The following TYSND1 variants were observed in gnomAD, a reference collection of about 807,000 sequenced individuals.
TYSND1 encodes the protein peroxisomal leader peptide-processing protease.
In TYSND1, 30 loss-of-function variants were observed where a neutral mutation model predicts 37.2. That is an observed-to-expected ratio of 0.81 (90% CI 0.60 to 1.09). The LOEUF is 1.09. Ranked by LOEUF, TYSND1 falls within the 50% of genes least tolerant of loss-of-function variation. TYSND1 has a pLI of 0.00. For synonymous variants in TYSND1, 364 were observed against 383.8 expected (o/e 0.95, Z 0.60); for missense variants, 806 against 817.4 (o/e 0.99, Z 0.17).
At position 70,146,650 on chromosome 10, in the gene TYSND1, T is replaced by C. The variant is rs1257465728; in HGVS notation, c.-64A>G. ...CAGCAAGCTAGCGAGCGAGGACCCCTACCCGGTCCGGCTGAAGCTGCCTAG... is the reference window on the plus strand; with the variant it reads ...CAGCAAGCTAGCGAGCGAGGACCCCCACCCGGTCCGGCTGAAGCTGCCTAG... On this transcript the variant is annotated 5_prime_UTR_variant, in exon 1 of 4. Coordinates refer to ENST00000287078, the MANE Select transcript of TYSND1 (RefSeq NM_173555.4). The C allele has an allele frequency of 3.6e-6, 5 of 1,404,544 alleles. No homozygotes were observed. Among genetic ancestry groups the C allele is most frequent in the East Asian group, 2.7e-5 (1 of 36,566 alleles). 87.0% of individuals were successfully genotyped at this position (1,404,544 alleles called of 1,614,324 possible).
chr10:70,146,205 G>A lies in TYSND1; in HGVS notation c.382C>T (p.Pro128Ser), dbSNP rs1438435891. The change falls in exon 1 of 4, where the codon CCC becomes TCC. Residue 128 changes from proline (P) to serine (S), a missense_variant. This residue lies in a region of TYSND1 where 708 missense variants were observed against 705.4 expected (regional missense o/e 1.00). Coordinates refer to ENST00000287078, the MANE Select transcript of TYSND1 (RefSeq NM_173555.4). ...PAPSRGRPLQ[P>S]RLPAELLLLL... ...AGCAGCAGCTCAGCAGGAAGCCGGG[G>A]CTGCAGGGGACGCCCGCGGGACGGG... 2 of 1,524,914 alleles carry A rather than the reference G, an allele frequency of 1.3e-6. No individual in the cohort carries two copies. Among genetic ancestry groups the A allele is most frequent in the Non-Finnish European group, 1.8e-6 (2 of 1,141,000 alleles). The allele number at this position is 1,524,914 out of a possible 1,614,324, so 94.5% of individuals were successfully genotyped here. A position where few individuals can be genotyped will look rare whatever the true frequency, so the allele number is the denominator to read the frequency against.
intron 2 of TYSND1, among the ~76,000 whole-genome samples, 173 bp downstream of exon 2, chr10:70,143,669 A>G (rs1318288694): frequency 6.6e-6 from 1 of 152,194 alleles, no homozygotes; most frequent in Non-Finnish European, 1.5e-5. Flanking sequence ...GTGCAGCATT[A>G]TCCTTCCCAG....
chr10:70,140,346 C>T (rs1238430194), intron 3 of TYSND1, among the ~76,000 whole-genome samples: 1 of 152,228 alleles, frequency 6.6e-6, no homozygotes, highest in African/African-American at 2.4e-5. Context: ...TTAACACTCT[C>T]AAAATCTAAC....
intron 3 of TYSND1, among the ~76,000 whole-genome samples, chr10:70,142,194 C>T (rs1314164448): frequency 6.6e-6 from 1 of 152,154 alleles, no homozygotes; most frequent in Non-Finnish European, 1.5e-5. Flanking sequence ...TTAACGGCCA[C>T]ATGTATTTTT....
intron 2 of TYSND1, among the ~76,000 whole-genome samples, chr10:70,143,238 G>A (rs1047589013): frequency 4.6e-5 from 7 of 152,328 alleles, no homozygotes; most frequent in African/African-American, 1.7e-4. Context: ...AAATGGTGAT[G>A]ATGGCTATAA....
chr10:70,145,454 G>A lies in TYSND1; in HGVS notation c.1133C>T (p.Ala378Val), dbSNP rs541825991. The A allele has an allele frequency of 3.0e-5, 44 of 1,471,480 alleles. 1 individual carries two copies. In the South Asian group the frequency reaches 5.9e-4, roughly 20 times the overall value. 91.2% of individuals were successfully genotyped at this position (1,471,480 alleles called of 1,614,324 possible). The stretch of plus-strand genomic sequence containing the variant: ...GGTGGAGCGCACCAGGACCCTGGCT[G>A]CTTCCCGAGGGGACACGTGCCGACA... ...VTCRHVSPRE[A>V]ARVLVRSTTP... The change falls in exon 1 of 4, where the codon GCA (alanine) becomes GTA (valine). Residue 378 changes from alanine to valine, a missense_variant. This residue lies in a region of TYSND1 where 708 missense variants were observed against 705.4 expected (regional missense o/e 1.00). Transcript: ENST00000287078.
Position 70,146,281 on chromosome 10 carries a change from G to A in TYSND1, c.306C>T (p.Arg102=). ...AGPGGGAERG[R]PGLCTPQCAS... ...CGCACTGGGGCGTGCACAGCCCTGGGCGGCCCCGCTCCGCGCCGCCCCCGG... is the reference window on the plus strand; with the variant it reads ...CGCACTGGGGCGTGCACAGCCCTGGACGGCCCCGCTCCGCGCCGCCCCCGG... The change falls in exon 1 of 4, where the codon CGC becomes CGT. Residue 102 remains arginine (R), a synonymous_variant. Coordinates refer to ENST00000287078, the MANE Select transcript of TYSND1 (RefSeq NM_173555.4). 1 of 1,472,156 alleles carries A rather than the reference G, an allele frequency of 6.8e-7. No individual in the cohort carries two copies. Among genetic ancestry groups the A allele is most frequent in the Non-Finnish European group, 8.9e-7 (1 of 1,121,688 alleles). The allele number at this position is 1,472,156 out of a possible 1,614,324, so 91.2% of individuals were successfully genotyped here.
Position 70,139,101 on chromosome 10 carries a change from G to GAAAAAA in TYSND1, c.*817_*822dup, listed in dbSNP as rs35137616. The GAAAAAA allele has an allele frequency of 3.8e-5, 4 of 103,914 alleles. No homozygotes were observed. Among genetic ancestry groups the GAAAAAA allele is most frequent in the African/African-American group, 4.0e-5 (1 of 25,004 alleles). The allele number at this position is 103,914 out of a possible 1,614,324, so 6.4% of individuals were successfully genotyped here. ...GAGAGAGCAAGACCACAGCTCTAAAGAAAAAAAAAAAAAAAAAAGGAAAGG... is the reference window on the plus strand; with the variant it reads ...GAGAGAGCAAGACCACAGCTCTAAAGAAAAAAAAAAAAAAAAAAAAAAAAGGAAAGG... On this transcript the variant is annotated 3_prime_UTR_variant, in exon 4 of 4. Transcript: ENST00000287078.
chr10:70,143,389 G>C (rs1189092179), intron 2 of TYSND1, among the ~76,000 whole-genome samples: 1 of 152,212 alleles, frequency 6.6e-6, no homozygotes, highest in Non-Finnish European at 1.5e-5. Context: ...GCAGAGGATA[G>C]TTAACTAGCC....
Position 70,145,795 on chromosome 10 carries a change from G to A in TYSND1, c.792C>T (p.Gly264=), listed in dbSNP as rs755270583. 5.4e-6 allele frequency: 8 copies of A among 1,492,368 alleles called. No individual in the cohort carries two copies. The South Asian group carries it at 9.0e-5, about 17-fold the overall frequency. 92.4% of individuals were successfully genotyped at this position (1,492,368 alleles called of 1,614,324 possible). The change falls in exon 1 of 4, where the codon GGC becomes GGT. Residue 264 remains glycine, a synonymous_variant. Coordinates refer to ENST00000287078, the MANE Select transcript of TYSND1 (RefSeq NM_173555.4). Reference sequence around the variant, plus strand: ...CCGCGGGCCGCGCGGTGAACACGCCGCCGCCCTCGGTGCCGGGCAGGCAGC... The same window carrying A: ...CCGCGGGCCGCGCGGTGAACACGCCACCGCCCTCGGTGCCGGGCAGGCAGC... ...DARCLPGTEG[G]GVFTARPAGA... is the part of the protein sequence containing the mutation.
chr10:70,145,607 T>C lies in TYSND1; in HGVS notation c.980A>G (p.Glu327Gly). 1 of 1,439,362 alleles carries C rather than the reference T, an allele frequency of 6.9e-7. No homozygotes were observed. The highest frequency in any genetic ancestry group is 9.1e-7 in the Non-Finnish European group (1 of 1,102,182). 89.2% of individuals were successfully genotyped at this position (1,439,362 alleles called of 1,614,324 possible). ...GGGCAGACCCCACGGGACGCCCACC[T>C]CTGGCGGCAGAAGGGCGGCCAGGGC... is the stretch of plus-strand genomic sequence containing the variant. ...TAALAALLPP[E>G]VGVPWGLPLR... Residue 327 changes from glutamate (E) to glycine (G), a missense_variant, in exon 1 of 4, where the codon GAG becomes GGG. Coordinates refer to ENST00000287078, the MANE Select transcript of TYSND1 (RefSeq NM_173555.4).
intron 2 of TYSND1, among the ~76,000 whole-genome samples, 172 bp downstream of exon 2, chr10:70,143,670 T>C (rs755676123): frequency 2.6e-5 from 4 of 152,228 alleles, no homozygotes; most frequent in Non-Finnish European, 5.9e-5. Flanking sequence ...TGCAGCATTA[T>C]CCTTCCCAGG....
rs965906532 is a variant in TYSND1, at chr10:70,146,002, C to T, written c.585G>A (p.Glu195=). The change falls in exon 1 of 4, where the codon GAG becomes GAA. Residue 195 remains glutamate (E), a synonymous_variant. Transcript: ENST00000287078. ...CTGGCCCGCGCTCCTCCTCCACCTC[C>T]TCCTGGCCTAGCCGCACGCCCAGCA... The part of the protein sequence containing the change: ...FALLGVRLGQ[E]EVEEERGPAM... The T allele has an allele frequency of 4.4e-6, 7 of 1,588,746 alleles. No individual in the cohort carries two copies. Among genetic ancestry groups the T allele is most frequent in the Non-Finnish European group, 6.0e-6 (7 of 1,168,854 alleles).
At chr10:70,140,476 G>A (rs1374380066) in intron 3 of TYSND1, among the ~76,000 whole-genome samples, 2 of 152,114 alleles carry the variant, frequency 1.3e-5, no homozygotes, top group South Asian at 4.1e-4. Context: ...ACAGTGCCTT[G>A]TGCCAAGTAG....
Position 70,145,490 on chromosome 10 carries a change from A to G in TYSND1, c.1097T>C (p.Leu366Pro). ...GGACACGTGCCGACAGGTCACTACA[A>G]GGCGGGGTGCCACAGCCACTCCGGA... ...WGSGVAVAPR[L>P]VVTCRHVSPR... The change falls in exon 1 of 4, where the codon CTT (leucine) becomes CCT (proline). Residue 366 changes from leucine to proline, a missense_variant. Transcript: ENST00000287078. The G allele has an allele frequency of 6.5e-7, 1 of 1,527,034 alleles. No individual in the cohort carries two copies. Among genetic ancestry groups the G allele is most frequent in the Non-Finnish European group, 8.8e-7 (1 of 1,142,374 alleles). The allele number at this position is 1,527,034 out of a possible 1,614,324, so 94.6% of individuals were successfully genotyped here. A position where few individuals can be genotyped will look rare whatever the true frequency, so the allele number is the denominator to read the frequency against.
chr10:70,145,110 C>T (rs1405665002), intron 1 of TYSND1, among the ~76,000 whole-genome samples: 1 of 152,126 alleles, frequency 6.6e-6, no homozygotes, highest in Non-Finnish European at 1.5e-5. Context: ...GCGTGCAGGG[C>T]TATCAGACAG....
chr10:70,145,774 G>C lies in TYSND1; in HGVS notation c.813C>G (p.Pro271=). 2 of 1,454,876 alleles carry C rather than the reference G, an allele frequency of 1.4e-6. No homozygotes were observed. Among genetic ancestry groups the C allele is most frequent in the Non-Finnish European group, 1.8e-6 (2 of 1,112,978 alleles). The allele number at this position is 1,454,876 out of a possible 1,614,324, so 90.1% of individuals were successfully genotyped here. A position where few individuals can be genotyped will look rare whatever the true frequency, so the allele number is the denominator to read the frequency against. Residue 271 remains proline, a synonymous_variant, in exon 1 of 4, where the codon CCC becomes CCG. Coordinates refer to ENST00000287078, the MANE Select transcript of TYSND1 (RefSeq NM_173555.4). The stretch of plus-strand genomic sequence containing the variant: ...CCACCAGCGCCACCAGCGCCCCCGC[G>C]GGCCGCGCGGTGAACACGCCGCCGC... ...TEGGGVFTAR[P]AGALVALVVA... is the part of the protein sequence containing the mutation.
chr10:70,144,231 T>C (rs1054836245), intron 1 of TYSND1: 3 of 503,114 alleles, frequency 6.0e-6, no homozygotes, highest in African/African-American at 5.9e-5. Context: ...CCAGGTTTGG[T>C]GTTAGTGTTT....
intron 2 of TYSND1, 151 bp from the exon 3 acceptor site, chr10:70,143,004 C>T: frequency 2.3e-6 from 2 of 879,656 alleles, no homozygotes; most frequent in South Asian, 3.4e-5. Flanking sequence ...AGAGAGCCTT[C>T]CCCATGTCCC....
Sources: allele counts gnomAD v4.1 joint callset (sites outside exome capture counted in the v4.1 genomes callset), GRCh38; gene constraint gnomAD v4.1.1; regional missense constraint gnomAD v4.1.1; transcripts MANE v1.5; gene names NCBI Gene and HGNC (gene_info 2026-07-23, HGNC 2026-07-21).